The following AXDND1 variants were observed in gnomAD, a reference collection of about 807,000 sequenced individuals.
AXDND1 encodes axonemal dynein light chain domain containing 1, also known as axonemal dynein light chain domain-containing protein 1.
AXDND1 carries 110 observed loss-of-function variants against 137.5 expected under a neutral mutation model. That is an observed-to-expected ratio of 0.80 (90% confidence interval 0.69 to 0.94). AXDND1 has a LOEUF of 0.94. AXDND1 is among the 40% of genes least tolerant of loss of function. The pLI, the probability that AXDND1 is intolerant of heterozygous loss-of-function variation, is 0.00. For missense variants in AXDND1, 1,191 were observed against 1,169.8 expected, an observed-to-expected ratio of 1.02 and a Z score of -0.26; for synonymous variants, 414 against 399.7, an observed-to-expected ratio of 1.04 and a Z score of -0.43.
At chr1:179,374,257 A>G (rs144193712) in intron 4 of AXDND1, among the ~76,000 whole-genome samples, 16,854 of 152,228 alleles carry the variant, frequency 0.11, 1,072 homozygotes, top group African/African-American at 0.16. Context: ...GAGAAATGCA[A>G]ATCAAAACCA....
At chr1:179,369,266 C>CTCCATTTTTCAT (rs1667782891) in intron 3 of AXDND1, among the ~76,000 whole-genome samples, 1 of 151,300 alleles carries the variant, frequency 6.6e-6, no homozygotes. Context: ...TTCATAGAGA[C>CTCCATTTTTCAT]GGAGTTTCGC....
chr1:179,527,195 C>T lies in AXDND1; in HGVS notation c.2611-1132C>T, dbSNP rs147709951. On this transcript the variant is annotated intron_variant, in intron 22 of 25. Transcript: ENST00000367618. ...TTATTCATGCCTCCCCTTTTTAGAC[C>T]ATATAGGGTAACTTCCTGACATTGC... Among the ~76,000 whole-genome samples, 1,450 of 152,214 alleles carry T rather than the reference C, an allele frequency of 9.5e-3. 15 individuals are homozygous for T. Among genetic ancestry groups the T allele is most frequent in the Admixed American group, 0.019 (287 of 15,294 alleles).
intron 23 of AXDND1, 25 bp downstream of exon 23, chr1:179,528,456 G>GA: frequency 6.7e-7 from 1 of 1,500,852 alleles, no homozygotes; most frequent in South Asian, 1.1e-5. Flanking sequence ...CCCAGCTAGG[G>GA]AATTCAACAC....
chr1:179,419,283 A>C (rs1655268365), intron 12 of AXDND1, among the ~76,000 whole-genome samples: 1 of 151,974 alleles, frequency 6.6e-6, no homozygotes, highest in Non-Finnish European at 1.5e-5. Context: ...AGGTGGTTGT[A>C]GCGAGCCAAG....
chr1:179,503,254 A>G (rs1176683726), intron 20 of AXDND1, among the ~76,000 whole-genome samples: 2 of 152,054 alleles, frequency 1.3e-5, no homozygotes, highest in Non-Finnish European at 2.9e-5. Context: ...GCATATGTGT[A>G]TTTTATGTCT....
chr1:179,497,655 G>A (rs1667579641), intron 20 of AXDND1, among the ~76,000 whole-genome samples: 1 of 152,134 alleles, frequency 6.6e-6, no homozygotes, highest in African/African-American at 2.4e-5. Context: ...GGAAGTGCTA[G>A]CCAGAGCAGT....
intron 17 of AXDND1, 167 bp downstream of exon 17, chr1:179,468,808 C>G (rs1663557739): frequency 2.1e-6 from 1 of 487,714 alleles, no homozygotes. Context: ...TTCATCACCT[C>G]AAAAAGAAGC....
In AXDND1 at chr1:179,420,812, G is replaced by A. The variant is rs181154431; in HGVS notation, c.1231-8706G>A. Among the ~76,000 whole-genome samples, 292 of 151,798 alleles carry A rather than the reference G, an allele frequency of 1.9e-3. 7 individuals are homozygous for A. In the South Asian group the frequency reaches 0.03, roughly 16 times the overall value. ...GAATTTTTGTATTTTTAGTAGAGAC[G>A]GTTTCACCATGTTGGCCAGGCTGGT... On this transcript the variant is annotated intron_variant, in intron 12 of 25. Coordinates refer to ENST00000367618, the MANE Select transcript of AXDND1 (RefSeq NM_144696.6).
intron 25 of AXDND1, chr1:179,552,075 C>G (rs1673364137): frequency 1.2e-5 from 2 of 168,034 alleles, no homozygotes; most frequent in African/African-American, 4.8e-5. Context: ...TCCCAAGGCC[C>G]CCTCACCCAC....
chr1:179,509,171 C>T, intron 20 of AXDND1, 125 bp from the exon 21 acceptor site: 1 of 612,342 alleles, frequency 1.6e-6, no homozygotes, highest in Non-Finnish European at 2.8e-6. Context: ...ACTCTTTGAA[C>T]TGAACTGATA....
chr1:179,488,643 C>CTTTCTTTCTT (rs776401256), intron 18 of AXDND1, among the ~76,000 whole-genome samples: 1,284 of 54,328 alleles, frequency 0.024, 139 homozygotes, highest in Admixed American at 0.026. Flanking sequence ...TCCTTTCTTT[C>CTTTCTTTCTT]TTTCTTTCTT....
At chr1:179,382,915 C>T (rs903778259) in intron 7 of AXDND1, among the ~76,000 whole-genome samples, 159 bp downstream of exon 7, 2 of 152,178 alleles carry the variant, frequency 1.3e-5, no homozygotes, top group African/African-American at 2.4e-5. Context: ...TTCGTTTTTA[C>T]AATTGTATAT....
At chr1:179,452,618 G>A (rs1051419972) in intron 16 of AXDND1, 8 of 133,460 alleles carry the variant, frequency 6.0e-5, no homozygotes, top group African/African-American at 2.4e-4. Context: ...AACCCGGGAA[G>A]CGGAGCTTGC....
chr1:179,368,230 T>G (rs534911770), intron 2 of AXDND1, among the ~76,000 whole-genome samples: 1 of 152,152 alleles, frequency 6.6e-6, no homozygotes, highest in African/African-American at 2.4e-5. Flanking sequence ...GGTAGAACAC[T>G]CTTTTTACAG....
chr1:179,448,691 T>C (rs1339314569), intron 16 of AXDND1: 3 of 173,014 alleles, frequency 1.7e-5, no homozygotes, highest in Non-Finnish European at 3.7e-5. Flanking sequence ...ATCCTGATAG[T>C]GTCCTTTTAA....
Position 179,492,862 on chromosome 1 carries a change from A to G in AXDND1, c.2299A>G (p.Lys767Glu). ...TTTTCCCCCTTTTTGCAGTTGTTGCAAAGGGATGGTAACAGCAATGGCTCT... is the reference window on the plus strand; with the variant it reads ...TTTTCCCCCTTTTTGCAGTTGTTGCGAAGGGATGGTAACAGCAATGGCTCT... ...QYSSYLSSCCKGMVTAMALSK... is the reference protein window; with the variant it reads ...QYSSYLSSCCEGMVTAMALSK... Residue 767 changes from lysine (K) to glutamate (E), a missense_variant, in exon 20 of 26, where the codon AAA becomes GAA. Lys to Glu is a moderately conservative substitution (Grantham distance 56). Transcript: ENST00000367618. 1 of 1,600,162 alleles carries G rather than the reference A, an allele frequency of 6.2e-7. No homozygotes were observed. The highest frequency in any genetic ancestry group is 8.5e-7 in the Non-Finnish European group (1 of 1,175,520).
chr1:179,468,329 T>C (rs1001073860), intron 16 of AXDND1, 114 bp from the exon 17 acceptor site: 6 of 713,934 alleles, frequency 8.4e-6, no homozygotes, highest in African/African-American at 7.2e-5. Context: ...AGCTGTAGGA[T>C]AATAAAAGAT....
intron 25 of AXDND1, among the ~76,000 whole-genome samples, chr1:179,539,024 T>C (rs1013378037): frequency 1.3e-5 from 2 of 152,214 alleles, no homozygotes; most frequent in African/African-American, 4.8e-5. Flanking sequence ...CCCCTTTTTT[T>C]TGTTTTCCAT....
intron 20 of AXDND1, among the ~76,000 whole-genome samples, chr1:179,497,067 A>G (rs1001141392): frequency 1.3e-5 from 2 of 152,088 alleles, no homozygotes; most frequent in South Asian, 2.1e-4. Flanking sequence ...ATTTTGTACC[A>G]CTTACATCCT....
Sources: allele counts gnomAD v4.1 joint callset (sites outside exome capture counted in the v4.1 genomes callset), GRCh38; gene constraint gnomAD v4.1.1; transcripts MANE v1.5; gene names NCBI Gene and HGNC (gene_info 2026-07-23, HGNC 2026-07-21).